Variants in OR2C1 observed in about 807,000 individuals in gnomAD.
OR2C1 encodes olfactory receptor 2C1.
For synonymous variants in OR2C1, 209 were observed against 167.3 expected (o/e 1.25, Z -1.92); for missense variants, 468 against 388.3 (o/e 1.21, Z -1.73).
chr16:3,334,262 C>T, the OR2C1 span, among the ~76,000 whole-genome samples: 2 of 151,280 alleles, frequency 1.3e-5, no homozygotes, highest in African/African-American at 4.9e-5. Context: ...CTCAGCCTCC[C>T]GAGTAGCTGG....
At chr16:3,345,020 G>A in the OR2C1 span, among the ~76,000 whole-genome samples, 5 of 151,966 alleles carry the variant, frequency 3.3e-5, no homozygotes, top group African/African-American at 1.2e-4. Flanking sequence ...GGAAATTAAA[G>A]ACAAGCTATA....
chr16:3,330,806 G>A, the OR2C1 span, among the ~76,000 whole-genome samples: 1 of 152,120 alleles, frequency 6.6e-6, no homozygotes, highest in African/African-American at 2.4e-5. Context: ...CAGTGGCACA[G>A]TCACAGCTCA....
chr16:3,331,518 T>C, the OR2C1 span, among the ~76,000 whole-genome samples: 1 of 150,998 alleles, frequency 6.6e-6, no homozygotes, highest in Non-Finnish European at 1.5e-5. Context: ...TTTATGGTTT[T>C]AGGTCTAACG....
At chr16:3,334,358 G>T in the OR2C1 span, among the ~76,000 whole-genome samples, 1 of 150,966 alleles carries the variant, frequency 6.6e-6, no homozygotes, top group Non-Finnish European at 1.5e-5. Flanking sequence ...GGATGGTCTC[G>T]ATCTCTTGAC....
the OR2C1 span, among the ~76,000 whole-genome samples, chr16:3,327,660 A>G: frequency 6.7e-6 from 1 of 150,006 alleles, no homozygotes; most frequent in Admixed American, 6.6e-5. Context: ...GAAACTAAGT[A>G]ATCTACTCCT....
At chr16:3,333,521 G>C in the OR2C1 span, among the ~76,000 whole-genome samples, 109 of 152,044 alleles carry the variant, frequency 7.2e-4, no homozygotes, top group African/African-American at 2.5e-3. Context: ...ATTTTTAGTA[G>C]AGACGGGGTT....
chr16:3,356,683 T>C lies in OR2C1; in HGVS notation c.743T>C (p.Val248Ala). The C allele has an allele frequency of 1.2e-6, 2 of 1,614,214 alleles. No homozygotes were observed. Among genetic ancestry groups the C allele is most frequent in the Non-Finnish European group, 1.7e-6 (2 of 1,180,038 alleles). ...ACGTGCCTCTCCCATCTGCTGGTGG[T>C]GTTCCTCTTCTATGGCTCAGCCAGC... is the stretch of plus-strand genomic sequence containing the variant. ...FNTCLSHLLV[V>A]FLFYGSASYG... Residue 248 changes from valine to alanine, a missense_variant, in exon 1 of 1, where the codon GTG (valine) becomes GCG (alanine). Coordinates refer to ENST00000304936, the MANE Select transcript of OR2C1 (RefSeq NM_012368.3).
chr16:3,335,437 G>A, the OR2C1 span, among the ~76,000 whole-genome samples: 1 of 150,570 alleles, frequency 6.6e-6, no homozygotes, highest in African/African-American at 2.4e-5. Context: ...TATATTATTT[G>A]AAGCTATTGC....
At chr16:3,338,277 A>G in the OR2C1 span, among the ~76,000 whole-genome samples, 1 of 152,114 alleles carries the variant, frequency 6.6e-6, no homozygotes, top group Non-Finnish European at 1.5e-5. Context: ...TTTCTCAGGG[A>G]TATTTCTCCC....
chr16:3,339,401 G>T, the OR2C1 span, among the ~76,000 whole-genome samples: 2 of 151,924 alleles, frequency 1.3e-5, no homozygotes, highest in Non-Finnish European at 2.9e-5. Flanking sequence ...GGGTTGTATG[G>T]TAATTCTGTT....
At position 3,357,082 on chromosome 16, in the gene OR2C1, C is replaced by T; in HGVS notation, c.*203C>T. On this transcript the variant is annotated 3_prime_UTR_variant, in exon 1 of 1. Transcript: ENST00000304936. ...CTACACTTATTTACCAAAAATCCTA[C>T]TGTGGACTACCGATAGCAGGGGAGA... 3.6e-6 allele frequency: 2 copies of T among 551,960 alleles called. No individual in the cohort carries two copies. Among genetic ancestry groups the T allele is most frequent in the Non-Finnish European group, 6.6e-6 (2 of 304,810 alleles). 34.2% of individuals were successfully genotyped at this position (551,960 alleles called of 1,614,324 possible). A position where few individuals can be genotyped will look rare whatever the true frequency, so the allele number is the denominator to read the frequency against.
chr16:3,343,680 G>A, the OR2C1 span, among the ~76,000 whole-genome samples: 18 of 152,204 alleles, frequency 1.2e-4, no homozygotes, highest in East Asian at 3.9e-4. Flanking sequence ...TGAACTCAGC[G>A]GGCAGAAGTT....
rs754923170 is a variant in OR2C1, at chr16:3,356,891, T to G, written c.*12T>G. Reference sequence around the variant, plus strand: ...GAGAAGTTGGCTGAGAGAACACTCCTTCGTTATTTATTGCGTCTTCATCTC... The same window carrying G: ...GAGAAGTTGGCTGAGAGAACACTCCGTCGTTATTTATTGCGTCTTCATCTC... On this transcript the variant is annotated 3_prime_UTR_variant, in exon 1 of 1. Transcript: ENST00000304936. 1.3e-6 allele frequency: 2 copies of G among 1,544,188 alleles called. No individual in the cohort carries two copies. The highest frequency in any genetic ancestry group is 1.7e-6 in the Non-Finnish European group (2 of 1,143,504).
At chr16:3,346,092 C>T in the OR2C1 span, among the ~76,000 whole-genome samples, 2 of 152,098 alleles carry the variant, frequency 1.3e-5, no homozygotes, top group African/African-American at 4.8e-5. Context: ...CCTTGGCCTC[C>T]CAAAGTGCTC....
At chr16:3,334,626 C>T in the OR2C1 span, among the ~76,000 whole-genome samples, 2 of 150,346 alleles carry the variant, frequency 1.3e-5, no homozygotes, top group African/African-American at 4.9e-5. Context: ...AGAGCCACCA[C>T]GCCCAGCCTT....
At chr16:3,350,429 TG>T in the OR2C1 span, among the ~76,000 whole-genome samples, 3,071 of 151,096 alleles carry the variant, frequency 0.02, 105 homozygotes, top group African/African-American at 0.07. Flanking sequence ...GTTTTTTTTT[TG>T]AGATGGAGTC....
chr16:3,343,624 C>T, the OR2C1 span, among the ~76,000 whole-genome samples: 3 of 151,998 alleles, frequency 2.0e-5, no homozygotes, highest in South Asian at 2.1e-4. Flanking sequence ...TGGTGGTGGG[C>T]GCCTGTAGTC....
chr16:3,349,636 A>G, the OR2C1 span, among the ~76,000 whole-genome samples: 20 of 152,112 alleles, frequency 1.3e-4, no homozygotes, highest in African/African-American at 4.8e-4. Flanking sequence ...AGAATCCAGG[A>G]TATAAGAGAG....
At chr16:3,323,657 A>C in the OR2C1 span, 8 of 702,240 alleles carry the variant, frequency 1.1e-5, no homozygotes, top group South Asian at 1.2e-4. Flanking sequence ...GCTGCATACA[A>C]CAAAGGCCAA....
Sources: gnomAD v4.1 joint callset for allele counts (sites outside exome capture counted in the v4.1 genomes callset) on GRCh38, gnomAD v4.1.1 for gene constraint, MANE v1.5 for transcripts, NCBI Gene and HGNC (gene_info 2026-07-23, HGNC 2026-07-21) for gene names.